SORCS1: variants seen among roughly 807,000 people sequenced by gnomAD.
SORCS1 encodes the protein VPS10 domain-containing receptor SorCS1.
SORCS1 carries 60 observed loss-of-function variants against 146.1 expected under a neutral mutation model. That is an observed-to-expected ratio of 0.41 (90% CI 0.33 to 0.51). The LOEUF is 0.51. Ranked by LOEUF, SORCS1 falls within the 20% of genes least tolerant of loss-of-function variation. The pLI is 0.21. For synonymous variants in SORCS1, 637 were observed against 584.0 expected, an observed-to-expected ratio of 1.09 and a Z score of -1.31; for missense variants, 1,352 against 1,487.6, an observed-to-expected ratio of 0.91 and a Z score of 1.50.
intron 1 of SORCS1, among the ~76,000 whole-genome samples, chr10:106,974,055 A>G (rs535910881): frequency 6.6e-6 from 1 of 152,194 alleles, no homozygotes; most frequent in South Asian, 2.1e-4. Flanking sequence ...CAAGGGTTAA[A>G]TGAGCACCTA....
At chr10:107,131,654 G>A (rs1434659089) in intron 1 of SORCS1, among the ~76,000 whole-genome samples, 1 of 152,186 alleles carries the variant, frequency 6.6e-6, no homozygotes, top group Admixed American at 6.5e-5. Flanking sequence ...GGGAGGTAGA[G>A]GTTACCATGA....
At chr10:106,718,612 G>A (rs1195928737) in intron 6 of SORCS1, among the ~76,000 whole-genome samples, 2 of 152,262 alleles carry the variant, frequency 1.3e-5, no homozygotes, top group African/African-American at 4.8e-5. Flanking sequence ...AGCTGCCACA[G>A]CATGGAAGGG....
At chr10:107,121,367 G>C (rs1966398848) in intron 1 of SORCS1, among the ~76,000 whole-genome samples, 1 of 152,188 alleles carries the variant, frequency 6.6e-6, no homozygotes, top group African/African-American at 2.4e-5. Flanking sequence ...CTCAGAGCTA[G>C]AACTGGTTAC....
intron 4 of SORCS1, among the ~76,000 whole-genome samples, chr10:106,769,878 G>A (rs562718648): frequency 6.6e-6 from 1 of 152,242 alleles, no homozygotes; most frequent in Non-Finnish European, 1.5e-5. Context: ...ATCACTTGAG[G>A]CCAGGAGTTC....
In SORCS1 at chr10:106,954,094, A is replaced by T. The variant is rs192566339; in HGVS notation, c.626+2419T>A. Among the ~76,000 whole-genome samples the T allele has an allele frequency of 3.2e-3, 491 of 152,322 alleles. 7 individuals are homozygous for T. The highest frequency in any genetic ancestry group is 0.011 in the African/African-American group (473 of 41,578). On this transcript the variant is annotated intron_variant, in intron 2 of 25. Transcript: ENST00000263054. ...AATGCCCCTTCATGGAGAGAAAAGC[A>T]TACTGAACCTGAGCTTCCACAGTCT...
Position 107,058,603 on chromosome 10 carries a change from C to T in SORCS1, c.559-102023G>A, listed in dbSNP as rs568043771. 1.3e-4 allele frequency among the ~76,000 whole-genome samples: 20 copies of T among 152,304 alleles called. 1 individual carries two copies. The South Asian group carries it at 3.9e-3, about 30-fold the overall frequency. ...CTGAGTTTGAATCCCAGCCCTGTCA[C>T]CCATCTGTATGGTCCTGAGCAAGTT... On this transcript the variant is annotated intron_variant, in intron 1 of 25. Coordinates refer to ENST00000263054, the MANE Select transcript of SORCS1 (RefSeq NM_052918.5).
In SORCS1 at chr10:107,082,899, A is replaced by T. The variant is rs1339847082; in HGVS notation, c.558+81070T>A. On this transcript the variant is annotated intron_variant, in intron 1 of 25. Transcript: ENST00000263054. ...GCTTGGCAGATCACAAGGTCAGGAG[A>T]TCCCAGACCACCCTGCCTAACATGG... 2.6e-5 allele frequency among the ~76,000 whole-genome samples: 4 copies of T among 151,990 alleles called. No homozygotes were observed. In the East Asian group the frequency reaches 7.7e-4, roughly 29 times the overall value.
At chr10:106,761,790 G>GT in intron 4 of SORCS1, 129 bp from the exon 5 acceptor site, 1 of 750,632 alleles carries the variant, frequency 1.3e-6, no homozygotes, top group Non-Finnish European at 2.3e-6. Context: ...TATACAAGGT[G>GT]AGTGCTCCAT....
intron 4 of SORCS1, among the ~76,000 whole-genome samples, chr10:106,774,153 G>C (rs530711537): frequency 1.8e-4 from 28 of 152,270 alleles, no homozygotes; most frequent in African/African-American, 6.5e-4. Flanking sequence ...AGGATTCATT[G>C]GGTCTGTGGT....
At chr10:106,821,706 G>T (rs921070718) in intron 3 of SORCS1, among the ~76,000 whole-genome samples, 3 of 152,144 alleles carry the variant, frequency 2.0e-5, no homozygotes, top group Non-Finnish European at 4.4e-5. Context: ...CGGATCCCGA[G>T]GTCAGGAGAT....
chr10:106,717,470 A>T (rs144389249), intron 6 of SORCS1, among the ~76,000 whole-genome samples: 1 of 152,318 alleles, frequency 6.6e-6, no homozygotes, highest in Non-Finnish European at 1.5e-5. Context: ...ACTTACATCA[A>T]ATGTTCTAGC....
At chr10:106,806,729 A>C (rs1947206484) in intron 3 of SORCS1, among the ~76,000 whole-genome samples, 1 of 151,660 alleles carries the variant, frequency 6.6e-6, no homozygotes, top group Non-Finnish European at 1.5e-5. Context: ...GTTAGCCAGG[A>C]TGGTCTCCAC....
In SORCS1 at chr10:106,618,215, T is replaced by C. The variant is rs1847505583; in HGVS notation, c.2854A>G (p.Thr952Ala). The change falls in exon 21 of 26, where the codon ACC becomes GCC. Residue 952 changes from threonine to alanine, a missense_variant. Physicochemically the swap from Thr to Ala is moderately conservative, Grantham distance 58 (BLOSUM62 0). Transcript: ENST00000263054. The part of the protein sequence containing the change: ...SFRFTSEGMN[T>A]ITVQVSAGNA... ...CCAGCTGAGACCTGCACTGTGATGG[T>C]ATTCATTCCTTCTGAAGTAAATCTG... 2 of 1,614,088 alleles carry C rather than the reference T, an allele frequency of 1.2e-6. No individual in the cohort carries two copies. The highest frequency in any genetic ancestry group is 1.6e-4 in the Middle Eastern group (1 of 6,062).
At chr10:106,849,541 G>A (rs954451808) in intron 2 of SORCS1, among the ~76,000 whole-genome samples, 38 of 149,808 alleles carry the variant, frequency 2.5e-4, no homozygotes, top group Non-Finnish European at 4.4e-4. Flanking sequence ...ATGTCCTCCC[G>A]TAGCTCAGAG....
chr10:107,157,615 T>C (rs1969389514), intron 1 of SORCS1, among the ~76,000 whole-genome samples: 1 of 152,254 alleles, frequency 6.6e-6, no homozygotes, highest in South Asian at 2.1e-4. Flanking sequence ...CTTTCATATG[T>C]GTGTAAAATC....
chr10:106,910,321 GTATA>G (rs200993097), intron 2 of SORCS1, among the ~76,000 whole-genome samples: 1 of 108,414 alleles, frequency 9.2e-6, no homozygotes, highest in Non-Finnish European at 1.8e-5. Flanking sequence ...GTGTGAGACA[GTATA>G]TATATATAGA....
chr10:106,856,442 C>T (rs2137359505), intron 2 of SORCS1, among the ~76,000 whole-genome samples: 1 of 152,306 alleles, frequency 6.6e-6, no homozygotes, highest in East Asian at 1.9e-4. Flanking sequence ...TTAGGTGGAA[C>T]ATAATAGCTA....
intron 2 of SORCS1, among the ~76,000 whole-genome samples, chr10:106,837,101 T>C (rs932002961): frequency 1.3e-5 from 2 of 152,208 alleles, no homozygotes; most frequent in Non-Finnish European, 2.9e-5. Flanking sequence ...AGGATGTCTG[T>C]GGTCAGGAGT....
chr10:106,707,303 C>T (rs1017593421), intron 7 of SORCS1, among the ~76,000 whole-genome samples: 1 of 151,812 alleles, frequency 6.6e-6, no homozygotes, highest in Non-Finnish European at 1.5e-5. Context: ...ATTCTCCTGC[C>T]TTAGCCTCCA....
Sources: gnomAD v4.1 joint callset for allele counts (sites outside exome capture counted in the v4.1 genomes callset) on GRCh38, gnomAD v4.1.1 for gene constraint, MANE v1.5 for transcripts, NCBI Gene and HGNC (gene_info 2026-07-23, HGNC 2026-07-21) for gene names.